The following SPAG16 variants were observed in gnomAD, a reference collection of about 807,000 sequenced individuals.
SPAG16 encodes sperm associated antigen 16.
A neutral mutation model predicts 80.4 loss-of-function variants in SPAG16; 86 were observed. The observed-to-expected ratio is 1.07, with a 90% CI of 0.90 to 1.28. The LOEUF is 1.28. Ranked by LOEUF, SPAG16 falls within the 50% of genes most tolerant of loss-of-function variation. The pLI is 0.00. For missense variants in SPAG16, 870 were observed against 765.3 expected (o/e 1.14, Z -1.61); for synonymous variants, 294 against 265.9 (o/e 1.11, Z -1.03).
intron 9 of SPAG16, among the ~76,000 whole-genome samples, chr2:213,387,819 C>G (rs2067528780): frequency 6.6e-6 from 1 of 152,074 alleles, no homozygotes; most frequent in Non-Finnish European, 1.5e-5. Flanking sequence ...TTGTTTCTAT[C>G]TGTAAACATA....
chr2:213,820,999 T>C (rs968068432), intron 10 of SPAG16, among the ~76,000 whole-genome samples: 1 of 152,108 alleles, frequency 6.6e-6, no homozygotes, highest in Admixed American at 6.5e-5. Context: ...CTCATAAATA[T>C]TTACTTATCT....
At chr2:213,642,154 C>T (rs954865199) in intron 10 of SPAG16, among the ~76,000 whole-genome samples, 1 of 152,174 alleles carries the variant, frequency 6.6e-6, no homozygotes, top group Non-Finnish European at 1.5e-5. Flanking sequence ...TTCCACCTCT[C>T]GCACTTTGGG....
chr2:214,352,655 A>G (rs946835612), intron 15 of SPAG16, among the ~76,000 whole-genome samples: 40 of 150,550 alleles, frequency 2.7e-4, no homozygotes, highest in African/African-American at 9.6e-4. Context: ...GCATCTGCCT[A>G]AGTTTTTACT....
At chr2:213,555,242 A>G (rs773337443) in intron 10 of SPAG16, among the ~76,000 whole-genome samples, 3 of 152,208 alleles carry the variant, frequency 2.0e-5, no homozygotes, top group Non-Finnish European at 4.4e-5. Context: ...ATCCAGTGAT[A>G]TGGTTGGGCT....
intron 15 of SPAG16, among the ~76,000 whole-genome samples, chr2:214,190,660 G>A (rs2057633135): frequency 6.6e-6 from 1 of 152,016 alleles, no homozygotes; most frequent in Non-Finnish European, 1.5e-5. Flanking sequence ...CAGATGTGCG[G>A]CCTTAGGTTT....
chr2:213,500,873 T>A (rs1383960950), intron 10 of SPAG16, among the ~76,000 whole-genome samples: 1 of 152,230 alleles, frequency 6.6e-6, no homozygotes, highest in Non-Finnish European at 1.5e-5. Context: ...CTCTAGCCCC[T>A]AATCACGGCA....
chr2:213,350,115 C>G (rs1196818646), intron 6 of SPAG16, among the ~76,000 whole-genome samples: 1 of 152,286 alleles, frequency 6.6e-6, no homozygotes, highest in East Asian at 1.9e-4. Context: ...GTTTTAAAGA[C>G]TATCCTTTAG....
At chr2:214,330,006 C>T (rs189969122) in intron 15 of SPAG16, among the ~76,000 whole-genome samples, 18 of 151,892 alleles carry the variant, frequency 1.2e-4, no homozygotes, top group Admixed American at 1.1e-3. Flanking sequence ...GTGGCTCATG[C>T]TTGTAATCCC....
At chr2:213,586,373 A>G (rs2060473324) in intron 10 of SPAG16, among the ~76,000 whole-genome samples, 1 of 152,192 alleles carries the variant, frequency 6.6e-6, no homozygotes, top group Non-Finnish European at 1.5e-5. Context: ...GCCTTTTGGC[A>G]CGGTAGAAGG....
chr2:213,719,223 T>G lies in SPAG16; in HGVS notation c.1071-143262T>G, dbSNP rs566319834. Among the ~76,000 whole-genome samples the G allele has an allele frequency of 9.9e-5, 15 of 151,116 alleles. 1 individual carries two copies. Among genetic ancestry groups the G allele is most frequent in the African/African-American group, 2.7e-4 (11 of 41,122 alleles). ...TTTGTGAGTGCACCAATCGACACTCTGTATCTAGCTGCTCTGGTGGGGCCT... is the reference window on the plus strand; with the variant it reads ...TTTGTGAGTGCACCAATCGACACTCGGTATCTAGCTGCTCTGGTGGGGCCT... On this transcript the variant is annotated intron_variant, in intron 10 of 15. Coordinates refer to ENST00000331683, the MANE Select transcript of SPAG16 (RefSeq NM_024532.5).
chr2:214,311,414 G>A (rs1695307737), intron 15 of SPAG16, among the ~76,000 whole-genome samples: 1 of 152,144 alleles, frequency 6.6e-6, no homozygotes, highest in South Asian at 2.1e-4. Context: ...GGAGGAAATG[G>A]CTGCCTCGTG....
chr2:213,794,035 T>C (rs2070868919), intron 10 of SPAG16, among the ~76,000 whole-genome samples: 1 of 152,180 alleles, frequency 6.6e-6, no homozygotes, highest in South Asian at 2.1e-4. Flanking sequence ...ATCCAAACTT[T>C]AGAAACTTTT....
intron 15 of SPAG16, among the ~76,000 whole-genome samples, chr2:214,188,343 A>T (rs1559115704): frequency 1.3e-5 from 2 of 152,170 alleles, no homozygotes; most frequent in Non-Finnish European, 2.9e-5. Context: ...CACATTTATA[A>T]AGCAAGTACC....
intron 11 of SPAG16, among the ~76,000 whole-genome samples, chr2:213,898,055 C>A (rs1211070223): frequency 6.6e-6 from 1 of 152,050 alleles, no homozygotes; most frequent in Non-Finnish European, 1.5e-5. Context: ...TGGCAAACGG[C>A]CTTAGTTTGA....
At chr2:213,492,292 G>A (rs958783240) in intron 10 of SPAG16, among the ~76,000 whole-genome samples, 5 of 152,230 alleles carry the variant, frequency 3.3e-5, no homozygotes, top group African/African-American at 4.8e-5. Context: ...GGTGGCTCAC[G>A]CCTGTAATCC....
At chr2:213,426,273 T>A (rs185650938) in intron 9 of SPAG16, among the ~76,000 whole-genome samples, 147 of 152,238 alleles carry the variant, frequency 9.7e-4, no homozygotes, top group Middle Eastern at 3.4e-3. Context: ...CCATAGAAAC[T>A]TTTTATTTAG....
intron 15 of SPAG16, among the ~76,000 whole-genome samples, chr2:214,250,577 A>T (rs1003900049): frequency 6.7e-6 from 1 of 148,736 alleles, no homozygotes; most frequent in Non-Finnish European, 1.5e-5. Flanking sequence ...AAAATAAAAA[A>T]TACCTTTTAA....
At position 214,215,225 on chromosome 2, in the gene SPAG16, A is replaced by C. The variant is rs141504141; in HGVS notation, c.1720+65959A>C. Reference sequence around the variant, plus strand: ...ATTCCCATTCTTTGCCTCAGAAATGACTAATGGAACTGCTTGTCCCAACTG... The same window carrying C: ...ATTCCCATTCTTTGCCTCAGAAATGCCTAATGGAACTGCTTGTCCCAACTG... On this transcript the variant is annotated intron_variant, in intron 15 of 15. Transcript: ENST00000331683. 7.8e-4 allele frequency among the ~76,000 whole-genome samples: 119 copies of C among 152,200 alleles called. 2 individuals carry two copies. In the East Asian group the frequency reaches 0.023, roughly 29 times the overall value.
chr2:213,420,863 C>T (rs963045395), intron 9 of SPAG16, among the ~76,000 whole-genome samples: 1 of 152,178 alleles, frequency 6.6e-6, no homozygotes, highest in African/African-American at 2.4e-5. Context: ...TATACACATA[C>T]AGAATCACTA....
Sources: gnomAD v4.1 joint callset for allele counts (sites outside exome capture counted in the v4.1 genomes callset) on GRCh38, gnomAD v4.1.1 for gene constraint, MANE v1.5 for transcripts, NCBI Gene and HGNC (gene_info 2026-07-23, HGNC 2026-07-21) for gene names.